The following TDRD12 variants were observed in gnomAD, a reference collection of about 807,000 sequenced individuals.
TDRD12 encodes the protein putative ATP-dependent RNA helicase TDRD12.
A neutral mutation model predicts 133.5 loss-of-function variants in TDRD12; 158 were observed. The observed-to-expected ratio is 1.18, with a 90% CI of 1.04 to 1.35. TDRD12 has a LOEUF of 1.35. Among genes scored for constraint, TDRD12 ranks in the 40% most tolerant of loss-of-function variants. The pLI is 0.00. For synonymous variants in TDRD12, 460 were observed against 477.9 expected (o/e 0.96, Z 0.49); for missense variants, 1,443 against 1,321.3 (o/e 1.09, Z -1.43).
At chr19:32,801,443 G>C (rs1329358354) in intron 18 of TDRD12, among the ~76,000 whole-genome samples, 1 of 152,092 alleles carries the variant, frequency 6.6e-6, no homozygotes, top group African/African-American at 2.4e-5. Context: ...GGACTTTCTA[G>C]CTGATGTGTC....
downstream of TDRD12, chr19:32,821,385 TGTGTGTGTGTGTGTGTGTGTGTGTGC>T (rs1452640401): frequency 1.9e-5 from 7 of 368,358 alleles, no homozygotes; most frequent in Middle Eastern, 7.3e-4. Context: ...TGTGTGTGTG[TGTGTGTGTGTGTGTGTGTGTGTGTGC>T]GTGTGAACCA....
At chr19:32,797,698 A>G (rs1971270211) in intron 14 of TDRD12, 37 bp from the exon 15 acceptor site, 1 of 620,396 alleles carries the variant, frequency 1.6e-6, no homozygotes, top group Non-Finnish European at 2.9e-6. Flanking sequence ...ATTCCTAACT[A>G]CTGTCTGGAG....
At chr19:32,778,170 G>T (rs1245948294) in intron 11 of TDRD12, among the ~76,000 whole-genome samples, 1 of 151,938 alleles carries the variant, frequency 6.6e-6, no homozygotes. Flanking sequence ...TGGAGCCAGG[G>T]TGTGGACTCT....
intron 1 of TDRD12, among the ~76,000 whole-genome samples, chr19:32,721,302 C>A (rs985022227): frequency 6.6e-6 from 1 of 152,186 alleles, no homozygotes; most frequent in South Asian, 2.1e-4. Context: ...GAAAGGAAAT[C>A]TAAATACTTT....
downstream of TDRD12, among the ~76,000 whole-genome samples, chr19:32,823,597 C>A (rs1375383499): frequency 2.0e-5 from 3 of 152,136 alleles, no homozygotes; most frequent in African/African-American, 4.8e-5. Context: ...CTGAATGTAG[C>A]TGTTAAAATG....
At chr19:32,760,263 CAAAA>C (rs1970114222) in intron 8 of TDRD12, among the ~76,000 whole-genome samples, 1 of 152,012 alleles carries the variant, frequency 6.6e-6, no homozygotes, top group African/African-American at 2.4e-5. Flanking sequence ...TGAACAATAA[CAAAA>C]AAGATAATGT....
downstream of TDRD12, among the ~76,000 whole-genome samples, chr19:32,821,974 G>A (rs1235934213): frequency 6.6e-6 from 1 of 152,124 alleles, no homozygotes; most frequent in Non-Finnish European, 1.5e-5. Flanking sequence ...AAGATAATTA[G>A]CTGGGCATGG....
At chr19:32,804,830 G>C (rs908371042) in intron 21 of TDRD12, among the ~76,000 whole-genome samples, 1 of 151,584 alleles carries the variant, frequency 6.6e-6, no homozygotes, top group Non-Finnish European at 1.5e-5. Flanking sequence ...CACTCCAGAC[G>C]GGGTGACAGA....
chr19:32,759,513 G>A (rs1052494955), intron 8 of TDRD12, among the ~76,000 whole-genome samples: 7 of 151,956 alleles, frequency 4.6e-5, no homozygotes, highest in African/African-American at 1.2e-4. Flanking sequence ...TGGCCTCAAA[G>A]GAGGCTGCGG....
At chr19:32,726,679 A>C (rs1968873310) in intron 1 of TDRD12, among the ~76,000 whole-genome samples, 1 of 151,870 alleles carries the variant, frequency 6.6e-6, no homozygotes, top group South Asian at 2.1e-4. Context: ...TGAGGTGAGG[A>C]TTGCTTGAGG....
intron 21 of TDRD12, among the ~76,000 whole-genome samples, chr19:32,805,168 A>G (rs1012202328): frequency 3.9e-5 from 5 of 129,164 alleles, no homozygotes; most frequent in African/African-American, 1.5e-4. Flanking sequence ...TATGTTATAT[A>G]TTATATATAT....
At position 32,810,344 on chromosome 19, in the gene TDRD12, C is replaced by T. The variant is rs1357567715; in HGVS notation, c.2837+67C>T. ...GAGGTAACTAAGTGGTGTTGAGTTCCGATTTTGACCTCTGTCCATTTGACT... is the reference window on the plus strand; with the variant it reads ...GAGGTAACTAAGTGGTGTTGAGTTCTGATTTTGACCTCTGTCCATTTGACT... On this transcript the variant is annotated intron_variant, in intron 23 of 27. Coordinates refer to ENST00000444215, the Ensembl canonical transcript of TDRD12. The T allele has an allele frequency of 5.4e-6, 7 of 1,287,608 alleles. No individual in the cohort carries two copies. The East Asian group carries it at 1.0e-4, about 19-fold the overall frequency. 79.8% of individuals were successfully genotyped at this position (1,287,608 alleles called of 1,614,324 possible).
At chr19:32,801,855 G>A in exon 19 of TDRD12, 1 of 1,393,174 alleles carries the variant, frequency 7.2e-7, no homozygotes, top group Non-Finnish European at 9.7e-7. Context: ...GTTAAGTTCT[G>A]GCTCTCAAAT....
chr19:32,738,198 T>C (rs1969285158), intron 2 of TDRD12, among the ~76,000 whole-genome samples: 1 of 152,220 alleles, frequency 6.6e-6, no homozygotes, highest in Non-Finnish European at 1.5e-5. Flanking sequence ...CAGCTTCCTG[T>C]TGGTCAGACA....
chr19:32,731,390 A>AT lies in TDRD12; in HGVS notation c.25-325dup, dbSNP rs551818806. On this transcript the variant is annotated intron_variant, in intron 1 of 27. Coordinates refer to ENST00000444215, the Ensembl canonical transcript of TDRD12. ...GGCAAAATAGCGAGACACCATCTCTATTTTTTTTTTAATTAAAAAAATTTT... is the reference window on the plus strand; with the variant it reads ...GGCAAAATAGCGAGACACCATCTCTATTTTTTTTTTTAATTAAAAAAATTTT... Among the ~76,000 whole-genome samples, 865 of 149,464 alleles carry AT rather than the reference A, an allele frequency of 5.8e-3. 9 individuals are homozygous for AT. Among genetic ancestry groups the AT allele is most frequent in the African/African-American group, 0.019 (789 of 40,798 alleles).
Position 32,745,813 on chromosome 19 carries a change from T to TGA in TDRD12, c.441-2656_441-2655dup, listed in dbSNP as rs750086143. On this transcript the variant is annotated intron_variant, in intron 4 of 27. Coordinates refer to ENST00000444215, the Ensembl canonical transcript of TDRD12. The stretch of plus-strand genomic sequence containing the variant: ...TTCTGTGTGTGTGTGTGTGTGTGTG[T>TGA]GAGAGAGAAGGAGAGAGACTGGCTG... 5.7e-3 allele frequency among the ~76,000 whole-genome samples: 609 copies of TGA among 106,526 alleles called. 20 individuals carry two copies. Among genetic ancestry groups the TGA allele is most frequent in the Non-Finnish European group, 7.6e-3 (407 of 53,702 alleles). 69.9% of individuals were successfully genotyped at this position (106,526 alleles called of 152,430 possible). A position where few individuals can be genotyped will look rare whatever the true frequency, so the allele number is the denominator to read the frequency against.
chr19:32,775,053 A>G (rs1420572328), intron 10 of TDRD12, among the ~76,000 whole-genome samples: 1 of 151,774 alleles, frequency 6.6e-6, no homozygotes, highest in Non-Finnish European at 1.5e-5. Flanking sequence ...GGGTTCATTA[A>G]TGTTCTTTGT....
At chr19:32,787,567 G>A (rs185969678) in intron 11 of TDRD12, among the ~76,000 whole-genome samples, 8 of 152,296 alleles carry the variant, frequency 5.3e-5, no homozygotes, top group East Asian at 1.9e-4. Flanking sequence ...GCTGAGCTGC[G>A]GTGGGCTCCA....
chr19:32,802,555 T>C, intron 19 of TDRD12, 101 bp from the exon 20 acceptor site: 1 of 1,317,874 alleles, frequency 7.6e-7, no homozygotes, highest in Non-Finnish European at 1.0e-6. Context: ...AAAAGTAAAA[T>C]GTGATATGGA....
Sources: gnomAD v4.1 joint callset for allele counts (sites outside exome capture counted in the v4.1 genomes callset) on GRCh38, gnomAD v4.1.1 for gene constraint, MANE v1.5 for transcripts, NCBI Gene and HGNC (gene_info 2026-07-23, HGNC 2026-07-21) for gene names.